The following CCNB3 variants were observed in gnomAD, a reference collection of about 807,000 sequenced individuals.
The protein encoded by CCNB3 is G2/mitotic-specific cyclin-B3.
CCNB3 carries 12 observed loss-of-function variants against 68.0 expected under a neutral mutation model. The ratio of observed to expected loss-of-function variants is 0.18; its 90% confidence interval spans 0.11 to 0.29. CCNB3 has a LOEUF of 0.29. CCNB3 is among the 10% of genes least tolerant of loss of function. CCNB3 has a pLI of 1.00. For synonymous variants in CCNB3, 354 were observed against 388.9 expected (o/e 0.91, Z 1.06); for missense variants, 904 against 993.1 (o/e 0.91, Z 1.21).
Position 50,296,414 on chromosome X carries a change from TGAA to T in CCNB3, c.335+1423_335+1425del, listed in dbSNP as rs1557210967. On this transcript the variant is annotated intron_variant, in intron 5 of 12. Transcript: ENST00000376042. ...TGTCCTTGCGATAGTTTGCTGAGAA[TGAA>T]GGTTTCCAGCTTCATCCATGTCCCT... Among the ~76,000 whole-genome samples the T allele has an allele frequency of 8.0e-5, 5 of 62,183 alleles. No individual in the cohort carries two copies. The Admixed American group carries it at 1.1e-3, about 13-fold the overall frequency. 54.0% of individuals were successfully genotyped at this position (62,183 alleles called of 115,157 possible).
intron 8 of CCNB3, among the ~76,000 whole-genome samples, chrX:50,340,181 A>G (rs1923053022): frequency 8.9e-6 from 1 of 112,184 alleles, no homozygotes; most frequent in Admixed American, 9.4e-5. Context: ...TCTCATTGAC[A>G]TACTTTTTGG....
At chrX:50,339,058 AC>A (rs1245368266) in intron 8 of CCNB3, among the ~76,000 whole-genome samples, 2 of 112,654 alleles carry the variant, frequency 1.8e-5, no homozygotes, top group Non-Finnish European at 3.7e-5. Flanking sequence ...GCAAAGAAAT[AC>A]CTGAGACTGG....
intron 8 of CCNB3, among the ~76,000 whole-genome samples, chrX:50,323,859 C>T (rs915652615): frequency 8.9e-6 from 1 of 111,992 alleles, no homozygotes; most frequent in African/African-American, 3.2e-5. Flanking sequence ...CTAAATTTAA[C>T]ACAGGAATTG....
At chrX:50,215,941 CTTTTTTTTTTTT>C (rs1195858030) in intron 1 of CCNB3, among the ~76,000 whole-genome samples, 1 of 52,487 alleles carries the variant, frequency 1.9e-5, no homozygotes, top group Non-Finnish European at 3.3e-5. Context: ...GGGTGTGCTT[CTTTTTTTTTTTT>C]TTTTTTTTTT....
At chrX:50,226,818 A>T (rs1308876461) in intron 1 of CCNB3, among the ~76,000 whole-genome samples, 1 of 79,085 alleles carries the variant, frequency 1.3e-5, no homozygotes, top group African/African-American at 5.0e-5. Flanking sequence ...GAGTATATAT[A>T]AATATATACA....
intron 1 of CCNB3, among the ~76,000 whole-genome samples, chrX:50,281,549 G>A (rs929827452): frequency 9.0e-6 from 1 of 111,003 alleles, no homozygotes; most frequent in Non-Finnish European, 1.9e-5. Flanking sequence ...TTGCTGGGAT[G>A]CGCGGCGTTC....
chrX:50,308,401 C>A, intron 5 of CCNB3, 104 bp from the exon 6 acceptor site: 1 of 541,009 alleles, frequency 1.8e-6, no homozygotes, highest in Non-Finnish European at 3.0e-6. Context: ...GGGTTGAAGC[C>A]CCTTCCCCTT....
At chrX:50,348,395 T>G (rs1476028882) in intron 11 of CCNB3, among the ~76,000 whole-genome samples, 4 of 112,084 alleles carry the variant, frequency 3.6e-5, no homozygotes, top group African/African-American at 1.3e-4. Flanking sequence ...TAATATATAA[T>G]CCAAGTAGCA....
chrX:50,311,631 T>A, intron 6 of CCNB3, 135 bp downstream of exon 6: 1 of 474,844 alleles, frequency 2.1e-6, no homozygotes, highest in Non-Finnish European at 3.5e-6. Flanking sequence ...TCCTAAGCAG[T>A]TGAGCCATAT....
In CCNB3 at chrX:50,288,917, G is replaced by A. The variant is rs371671671; in HGVS notation, c.204+30G>A. The A allele has an allele frequency of 3.4e-5, 34 of 1,000,538 alleles. No homozygotes were observed. The African/African-American group carries it at 5.3e-4, about 16-fold the overall frequency. The allele number at this position is 1,000,538 out of a possible 1,213,427, so 82.5% of individuals were successfully genotyped here. A position where few individuals can be genotyped will look rare whatever the true frequency, so the allele number is the denominator to read the frequency against. On this transcript the variant is annotated intron_variant, in intron 4 of 12. Transcript: ENST00000376042. The stretch of plus-strand genomic sequence containing the variant: ...GTATGCTAGTCCAATCCTTTGCTAT[G>A]GTTTTGCATAAGGCTTAGACATGCT...
chrX:50,320,916 G>A lies in CCNB3; in HGVS notation c.3516+6968G>A, dbSNP rs782186867. On this transcript the variant is annotated intron_variant, in intron 8 of 12. Transcript: ENST00000376042. The stretch of plus-strand genomic sequence containing the variant: ...CAATCATCTTTCCAGTCAAACTGAT[G>A]TATTTCTATATCCATTTTATTTGCA... 1.5e-3 allele frequency among the ~76,000 whole-genome samples: 170 copies of A among 111,325 alleles called. 1 individual carries two copies. Among genetic ancestry groups the A allele is most frequent in the African/African-American group, 5.1e-3 (156 of 30,761 alleles).
At chrX:50,289,076 TGGA>T (rs1936299407) in intron 4 of CCNB3, among the ~76,000 whole-genome samples, 189 bp downstream of exon 4, 2 of 111,718 alleles carry the variant, frequency 1.8e-5, no homozygotes, top group East Asian at 5.6e-4. Flanking sequence ...AAACAATTGG[TGGA>T]GTTCTCTGGA....
At chrX:50,228,601 T>C (rs977925228) in intron 1 of CCNB3, among the ~76,000 whole-genome samples, 2 of 85,463 alleles carry the variant, frequency 2.3e-5, no homozygotes, top group African/African-American at 8.5e-5. Flanking sequence ...ATAGATAATA[T>C]ATATAGAATA....
rs1921278421 is a variant in CCNB3, at chrX:50,309,475, T to A, written c.1306T>A (p.Ser436Thr). The change falls in exon 6 of 13, where the codon TCT (serine) becomes ACT (threonine). Residue 436 changes from serine (S) to threonine (T), a missense_variant. By Grantham distance (58) the Ser-to-Thr change is moderately conservative. Around this residue, in one of 2 missense-constraint regions of CCNB3, gnomAD observed 619 missense variants for 609.8 expected, o/e 1.02. Transcript: ENST00000376042. ...TEKESFSQEP[S>T]ALQKKHTTQE... ...GAAGGAGTCCTTTTCCCAGGAACCA[T>A]CTGCATTGCAAAAGAAGCACACCAC... 8.3e-7 allele frequency: 1 copy of A among 1,209,576 alleles called. No homozygotes were observed. The highest frequency in any genetic ancestry group is 2.2e-5 in the Admixed American group (1 of 45,725).
chrX:50,215,269 A>T (rs1935554509), intron 1 of CCNB3, among the ~76,000 whole-genome samples: 1 of 110,546 alleles, frequency 9.0e-6, no homozygotes, highest in African/African-American at 3.3e-5. Context: ...GATTACAGGC[A>T]TGAGCCACCA....
At chrX:50,207,981 G>A (rs182848362) in intron 1 of CCNB3, among the ~76,000 whole-genome samples, 1 of 111,751 alleles carries the variant, frequency 8.9e-6, no homozygotes, top group Admixed American at 9.5e-5. Context: ...CTATAGGTTT[G>A]CCTATTCCAG....
chrX:50,348,096 C>T (rs1225585803), intron 11 of CCNB3, among the ~76,000 whole-genome samples: 1 of 111,402 alleles, frequency 9.0e-6, no homozygotes. Context: ...ATCCCCAGCC[C>T]TGTTCCCCTC....
intron 1 of CCNB3, among the ~76,000 whole-genome samples, chrX:50,208,045 T>C (rs797037483): frequency 8.9e-6 from 1 of 112,034 alleles, no homozygotes; most frequent in African/African-American, 3.2e-5. Context: ...ACTGGCTTCG[T>C]AGCAAAACTT....
In CCNB3 at chrX:50,226,765, A is replaced by G. The variant is rs1193750124; in HGVS notation, c.-113+21815A>G. 6.2e-5 allele frequency among the ~76,000 whole-genome samples: 5 copies of G among 80,956 alleles called. No individual in the cohort carries two copies. In the East Asian group the frequency reaches 1.4e-3, roughly 23 times the overall value. The allele number at this position is 80,956 out of a possible 115,157, so 70.3% of individuals were successfully genotyped here. On this transcript the variant is annotated intron_variant, in intron 1 of 12. Transcript: ENST00000376042. ...ACATAGAATATACATATGAATATGT[A>G]CATAGAATATATATATGAATATGTA...
Sources: allele counts gnomAD v4.1 joint callset (sites outside exome capture counted in the v4.1 genomes callset), GRCh38; gene constraint gnomAD v4.1.1; regional missense constraint gnomAD v4.1.1; transcripts MANE v1.5; gene names NCBI Gene and HGNC (gene_info 2026-07-23, HGNC 2026-07-21).